Variants in PALM2AKAP2 observed in about 807,000 individuals in gnomAD.
PALM2AKAP2 encodes PALM2-AKAP2 fusion protein.
Under a neutral mutation model 71.5 loss-of-function variants are expected in PALM2AKAP2, and 37 were observed. That is an observed-to-expected ratio of 0.52 (90% CI 0.40 to 0.68). The LOEUF (loss-of-function observed/expected upper bound fraction) is 0.68, where lower values mean the gene tolerates loss of function less well. Among genes scored for constraint, PALM2AKAP2 ranks in the 30% least tolerant of loss-of-function variants. The pLI, the probability that PALM2AKAP2 is intolerant of heterozygous loss-of-function variation, is 0.00. For missense variants in PALM2AKAP2, 1,224 were observed against 1,191.8 expected (o/e 1.03, Z -0.40); for synonymous variants, 468 against 478.8 (o/e 0.98, Z 0.29).
chr9:109,893,867 G>C (rs997182247), intron 3 of PALM2AKAP2, among the ~76,000 whole-genome samples: 2 of 152,170 alleles, frequency 1.3e-5, no homozygotes, highest in African/African-American at 4.8e-5. Flanking sequence ...ATCAGGAAGA[G>C]TAGCTAACAC....
intron 1 of PALM2AKAP2, among the ~76,000 whole-genome samples, chr9:110,066,840 A>G (rs1834090358): frequency 6.6e-6 from 1 of 152,132 alleles, no homozygotes; most frequent in South Asian, 2.1e-4. Context: ...TTTAATGACC[A>G]CAGATACTCT....
intron 1 of PALM2AKAP2, among the ~76,000 whole-genome samples, chr9:109,794,609 G>C (rs1191196398): frequency 2.6e-5 from 4 of 152,136 alleles, no homozygotes; most frequent in African/African-American, 4.8e-5. Context: ...CCAGGGCCTT[G>C]ATTTACAAAT....
exon 1 of PALM2AKAP2, chr9:110,048,777 G>A (rs779549334): frequency 6.5e-7 from 1 of 1,530,166 alleles, no homozygotes; most frequent in South Asian, 1.2e-5. Context: ...CTGGACCCCC[G>A]GAGCGGGAGG....
intron 1 of PALM2AKAP2, among the ~76,000 whole-genome samples, chr9:109,831,291 G>T (rs1326765415): frequency 6.6e-6 from 1 of 151,980 alleles, no homozygotes. Context: ...CTTGTATTAG[G>T]ACACTGACTG....
At chr9:110,024,508 G>T (rs1443490541) in intron 7 of PALM2AKAP2, among the ~76,000 whole-genome samples, 1 of 152,014 alleles carries the variant, frequency 6.6e-6, no homozygotes, top group Non-Finnish European at 1.5e-5. Flanking sequence ...GCCAGGCTGG[G>T]CATGGTGGCT....
At chr9:110,119,111 G>A (rs781625695) in intron 1 of PALM2AKAP2, among the ~76,000 whole-genome samples, 21 of 152,122 alleles carry the variant, frequency 1.4e-4, no homozygotes, top group Non-Finnish European at 2.4e-4. Flanking sequence ...TTGGGAGGCC[G>A]AAGTGGGCAA....
chr9:109,831,474 A>G (rs1001605337), intron 1 of PALM2AKAP2, among the ~76,000 whole-genome samples: 1 of 152,168 alleles, frequency 6.6e-6, no homozygotes, highest in African/African-American at 2.4e-5. Flanking sequence ...GTGGATACCT[A>G]TTCAGTGAAG....
At position 109,668,603 on chromosome 9, in the gene PALM2AKAP2, A is replaced by G. The variant is rs1463472692; in HGVS notation, c.5+27737A>G. 2.8e-4 allele frequency among the ~76,000 whole-genome samples: 42 copies of G among 152,150 alleles called. 1 individual carries two copies. The highest frequency in any genetic ancestry group is 2.7e-3 in the Admixed American group (42 of 15,278). On this transcript the variant is annotated intron_variant, in intron 1 of 6. Coordinates refer to the PALM2AKAP2 transcript ENST00000374531. ...TGCAGGATACATAAAAGGAAAATCC[A>G]TTGTCTGGGGCACATAGAGTCTGTC... is the stretch of plus-strand genomic sequence containing the variant.
chr9:109,784,584 C>A (rs1198107647), intron 1 of PALM2AKAP2, among the ~76,000 whole-genome samples: 1 of 152,172 alleles, frequency 6.6e-6, no homozygotes. Context: ...TGCTTTTCAG[C>A]ATGTATTATC....
At chr9:109,875,647 C>T (rs1342829397) in intron 2 of PALM2AKAP2, among the ~76,000 whole-genome samples, 1 of 152,202 alleles carries the variant, frequency 6.6e-6, no homozygotes, top group East Asian at 1.9e-4. Flanking sequence ...CTGGCATTGC[C>T]AGTGACAGCA....
intron 6 of PALM2AKAP2, among the ~76,000 whole-genome samples, chr9:110,006,994 T>C (rs1252533886): frequency 6.6e-6 from 1 of 152,192 alleles, no homozygotes; most frequent in African/African-American, 2.4e-5. Flanking sequence ...AGTAGGTTTA[T>C]GCTGTATTTT....
chr9:110,093,827 G>A (rs1834771950), intron 1 of PALM2AKAP2, among the ~76,000 whole-genome samples: 1 of 152,168 alleles, frequency 6.6e-6, no homozygotes. Context: ...TTAAGACTCA[G>A]TTCAGATGAC....
chr9:110,092,625 A>G (rs188020200), intron 1 of PALM2AKAP2, among the ~76,000 whole-genome samples: 124 of 152,304 alleles, frequency 8.1e-4, no homozygotes, highest in African/African-American at 2.6e-3. Flanking sequence ...TGTAATCTGC[A>G]TAACTCAAAC....
chr9:109,815,823 A>G (rs1329057343), intron 1 of PALM2AKAP2, among the ~76,000 whole-genome samples: 2 of 152,144 alleles, frequency 1.3e-5, no homozygotes, highest in African/African-American at 4.8e-5. Context: ...GAGAGGGCAT[A>G]GGATTTGCAT....
chr9:110,045,281 G>A (rs2132477050), upstream of PALM2AKAP2, among the ~76,000 whole-genome samples: 1 of 152,208 alleles, frequency 6.6e-6, no homozygotes, highest in South Asian at 2.1e-4. Context: ...ATAATTAATA[G>A]CCATTTATTT....
intron 7 of PALM2AKAP2, among the ~76,000 whole-genome samples, chr9:110,027,912 G>A (rs1228083602): frequency 6.6e-6 from 1 of 152,118 alleles, no homozygotes; most frequent in African/African-American, 2.4e-5. Flanking sequence ...TTTGTGCAGG[G>A]ACTCTGGACA....
At chr9:109,683,641 G>T (rs1046155913) in intron 1 of PALM2AKAP2, among the ~76,000 whole-genome samples, 2 of 152,086 alleles carry the variant, frequency 1.3e-5, no homozygotes, top group Admixed American at 6.6e-5. Flanking sequence ...AATCAAATAT[G>T]CTTCATAAGC....
intron 6 of PALM2AKAP2, among the ~76,000 whole-genome samples, chr9:109,991,519 G>A (rs770069061): frequency 6.6e-6 from 1 of 152,038 alleles, no homozygotes; most frequent in Non-Finnish European, 1.5e-5. Context: ...GATTACAGGC[G>A]TGAGCCACCA....
At chr9:110,006,576 TG>T (rs1011730618) in intron 6 of PALM2AKAP2, among the ~76,000 whole-genome samples, 1 of 151,952 alleles carries the variant, frequency 6.6e-6, no homozygotes, top group African/African-American at 2.4e-5. Context: ...TTGCCCAGGC[TG>T]GTCTTGAATT....
Sources: gnomAD v4.1 joint callset for allele counts (sites outside exome capture counted in the v4.1 genomes callset) on GRCh38, gnomAD v4.1.1 for gene constraint, MANE v1.5 for transcripts, NCBI Gene and HGNC (gene_info 2026-07-23, HGNC 2026-07-21) for gene names.